The following CLRN3 variants were observed in gnomAD, a reference collection of about 807,000 sequenced individuals.
CLRN3 encodes the protein clarin 3.
CLRN3 carries 12 observed loss-of-function variants against 16.7 expected under a neutral mutation model. That is an observed-to-expected ratio of 0.72 (90% confidence interval 0.46 to 1.16). The LOEUF is 1.16. Among genes scored for constraint, CLRN3 ranks in the 50% most tolerant of loss-of-function variants. CLRN3 has a pLI of 0.00. For missense variants in CLRN3, 296 were observed against 274.2 expected (o/e 1.08, Z -0.56); for synonymous variants, 118 against 113.0 (o/e 1.04, Z -0.28).
Position 127,892,811 on chromosome 10 carries a change from A to T in CLRN3, c.-27T>A, listed in dbSNP as rs749033260. 3.7e-6 allele frequency: 5 copies of T among 1,362,708 alleles called. No homozygotes were observed. In the Admixed American group the frequency reaches 8.5e-5, roughly 23 times the overall value. 84.4% of individuals were successfully genotyped at this position (1,362,708 alleles called of 1,614,324 possible). A position where few individuals can be genotyped will look rare whatever the true frequency, so the allele number is the denominator to read the frequency against. Reference sequence around the variant, plus strand: ...TTCACAGGAAAATAAGTTCTCTAGGACAAAAAAAGGAATATCTTCTTATAA... The same window carrying T: ...TTCACAGGAAAATAAGTTCTCTAGGTCAAAAAAAGGAATATCTTCTTATAA... On this transcript the variant is annotated 5_prime_UTR_variant, in exon 1 of 3. Transcript: ENST00000368671.
At chr10:127,888,310 T>C (rs1054053440) in intron 1 of CLRN3, among the ~76,000 whole-genome samples, 1 of 152,112 alleles carries the variant, frequency 6.6e-6, no homozygotes, top group Admixed American at 6.5e-5. Context: ...TTGCCAGGGT[T>C]CCTTAGGGAG....
At chr10:127,884,271 C>T (rs761928307) in intron 1 of CLRN3, among the ~76,000 whole-genome samples, 3 of 152,204 alleles carry the variant, frequency 2.0e-5, no homozygotes, top group Non-Finnish European at 4.4e-5. Flanking sequence ...TTGGCTTCCA[C>T]TTGGAGGCAC....
chr10:127,884,418 G>A (rs906304656), intron 1 of CLRN3, among the ~76,000 whole-genome samples: 1 of 152,224 alleles, frequency 6.6e-6, no homozygotes, highest in African/African-American at 2.4e-5. Context: ...AGTGGAAGCT[G>A]AAGGCTGACA....
intron 2 of CLRN3, among the ~76,000 whole-genome samples, chr10:127,880,262 A>C (rs1034415953): frequency 3.9e-5 from 6 of 152,042 alleles, no homozygotes; most frequent in African/African-American, 1.4e-4. Flanking sequence ...TTTTTTCCAG[A>C]GCGGGCTGCC....
Position 127,883,678 on chromosome 10 carries a change from T to C in CLRN3, c.409+18A>G, listed in dbSNP as rs1845157070. 1 of 1,582,006 alleles carries C rather than the reference T, an allele frequency of 6.3e-7. No homozygotes were observed. The highest frequency in any genetic ancestry group is 1.4e-5 in the African/African-American group (1 of 73,916). Reference sequence around the variant, plus strand: ...ATGCAGTTTTCTGCAGAGCACCGAGTCTCACAGGGCCACTCACCACCGAGC... The same window carrying C: ...ATGCAGTTTTCTGCAGAGCACCGAGCCTCACAGGGCCACTCACCACCGAGC... On this transcript the variant is annotated intron_variant, in intron 2 of 2. Transcript: ENST00000368671.
chr10:127,884,457 C>G (rs1413867401), intron 1 of CLRN3, among the ~76,000 whole-genome samples: 1 of 152,204 alleles, frequency 6.6e-6, no homozygotes, highest in Non-Finnish European at 1.5e-5. Flanking sequence ...TGGTGCAAAT[C>G]GAGTTGTGGG....
intron 1 of CLRN3, among the ~76,000 whole-genome samples, chr10:127,889,354 T>C (rs1309499746): frequency 6.6e-6 from 1 of 151,836 alleles, no homozygotes; most frequent in African/African-American, 2.4e-5. Context: ...CCGGGCGCAG[T>C]GGTTCATGCC....
intron 1 of CLRN3, among the ~76,000 whole-genome samples, chr10:127,889,100 T>G (rs1020930719): frequency 1.8e-4 from 28 of 152,314 alleles, no homozygotes; most frequent in African/African-American, 6.3e-4. Flanking sequence ...CAGTGTCACA[T>G]GAGGAGAAAT....
chr10:127,878,995 C>G (rs972693747), intron 2 of CLRN3, among the ~76,000 whole-genome samples: 1 of 152,182 alleles, frequency 6.6e-6, no homozygotes, highest in African/African-American at 2.4e-5. Context: ...TATGATGCCA[C>G]TGGCAAGTGT....
intron 2 of CLRN3, 23 bp from the exon 3 acceptor site, chr10:127,878,443 T>G: frequency 6.8e-6 from 11 of 1,612,334 alleles, no homozygotes; most frequent in Non-Finnish European, 6.8e-6. Context: ...TGGAGTTTCA[T>G]GCATGGCATG....
At chr10:127,890,919 G>A (rs1845251112) in intron 1 of CLRN3, among the ~76,000 whole-genome samples, 1 of 151,216 alleles carries the variant, frequency 6.6e-6, no homozygotes, top group Non-Finnish European at 1.5e-5. Context: ...AGGTCCTTAG[G>A]TGTCAACCAG....
chr10:127,889,982 G>A (rs939033617), intron 1 of CLRN3, among the ~76,000 whole-genome samples: 5 of 152,214 alleles, frequency 3.3e-5, no homozygotes, highest in Non-Finnish European at 5.9e-5. Context: ...ACTGGGCTTT[G>A]CAGACATGCA....
At position 127,878,422 on chromosome 10, in the gene CLRN3, T is replaced by C. The variant is rs755040839; in HGVS notation, c.410-2A>G. On this transcript the variant is annotated splice_acceptor_variant, in intron 2 of 2. Coordinates refer to ENST00000368671, the MANE Select transcript of CLRN3 (RefSeq NM_152311.5). LOFTEE classifies it high-confidence loss of function. ...TCATGGTCACAAAAACGAAGGATGC[T>C]GAAAGGAAGATGGAGTTTCATGCAT... 3.7e-6 allele frequency: 6 copies of C among 1,613,140 alleles called. No individual in the cohort carries two copies. In the Admixed American group the frequency reaches 6.7e-5, roughly 18 times the overall value.
chr10:127,885,492 G>A (rs1227501391), intron 1 of CLRN3, among the ~76,000 whole-genome samples: 1 of 152,196 alleles, frequency 6.6e-6, no homozygotes, highest in Admixed American at 6.5e-5. Flanking sequence ...CATTTCTGGA[G>A]TATTCTCTGC....
At chr10:127,881,477 G>T (rs1323787207) in intron 2 of CLRN3, among the ~76,000 whole-genome samples, 2 of 152,202 alleles carry the variant, frequency 1.3e-5, no homozygotes, top group Non-Finnish European at 2.9e-5. Flanking sequence ...GGTCCCTGTT[G>T]TTCGGCCGGC....
intron 2 of CLRN3, among the ~76,000 whole-genome samples, chr10:127,882,168 G>T (rs1378334777): frequency 6.6e-6 from 1 of 152,190 alleles, no homozygotes; most frequent in East Asian, 1.9e-4. Flanking sequence ...GGGAAACAGT[G>T]ATATTCATTC....
intron 2 of CLRN3, among the ~76,000 whole-genome samples, chr10:127,881,025 C>T (rs1291980204): frequency 6.6e-6 from 1 of 152,186 alleles, no homozygotes; most frequent in Non-Finnish European, 1.5e-5. Context: ...CAAAGGGCTA[C>T]TTTGGGCAAA....
Position 127,883,791 on chromosome 10 carries a change from A to G in CLRN3, c.314T>C (p.Leu105Pro). 1 of 1,614,186 alleles carries G rather than the reference A, an allele frequency of 6.2e-7. No individual in the cohort carries two copies. The highest frequency in any genetic ancestry group is 8.5e-7 in the Non-Finnish European group (1 of 1,180,006). Residue 105 changes from leucine (L) to proline (P), a missense_variant, in exon 2 of 3, where the codon CTG becomes CCG. Physicochemically the swap from Leu to Pro is moderately conservative, Grantham distance 98. Coordinates refer to ENST00000368671, the MANE Select transcript of CLRN3 (RefSeq NM_152311.5). ...GTAGAAGGTAAACCCAGAGCTCAGC[A>G]GCGACGTGATCAAACTCAGGACCAG... ...LFLVLSLITS[L>P]LSSGFTFYNS...
At chr10:127,879,565 CA>C (rs11351712) in intron 2 of CLRN3, among the ~76,000 whole-genome samples, 25,579 of 147,514 alleles carry the variant, frequency 0.17, 2,468 homozygotes, top group East Asian at 0.38. Context: ...GAGATAGAGA[CA>C]AAAAAAAAAA....
Sources: allele counts gnomAD v4.1 joint callset (sites outside exome capture counted in the v4.1 genomes callset), GRCh38; gene constraint gnomAD v4.1.1; transcripts MANE v1.5; gene names NCBI Gene and HGNC (gene_info 2026-07-23, HGNC 2026-07-21).